Variants in GRID2 observed in about 807,000 individuals in gnomAD.
GRID2 encodes the protein glutamate ionotropic receptor delta type subunit 2.
In GRID2, 33 loss-of-function variants were observed where a neutral mutation model predicts 114.8. The observed-to-expected ratio is 0.29, with a 90% confidence interval of 0.22 to 0.38. GRID2 has a LOEUF of 0.38. GRID2 is among the 10% of genes least tolerant of loss of function. GRID2 has a pLI of 1.00. For synonymous variants in GRID2, 505 were observed against 449.9 expected (o/e 1.12, Z -1.55); for missense variants, 1,184 against 1,257.7 (o/e 0.94, Z 0.89).
At chr4:92,951,743 T>C (rs1752057306) in intron 2 of GRID2, among the ~76,000 whole-genome samples, 1 of 152,204 alleles carries the variant, frequency 6.6e-6, no homozygotes, top group African/African-American at 2.4e-5. Context: ...CCAATTCCTC[T>C]TCCAAAATTG....
At chr4:92,822,198 A>G in intron 2 of GRID2, 1 of 456,634 alleles carries the variant, frequency 2.2e-6, no homozygotes, top group Middle Eastern at 5.5e-4. Flanking sequence ...GTAGCAGTTG[A>G]GGCTAAAGCA....
intron 14 of GRID2, among the ~76,000 whole-genome samples, chr4:93,767,019 T>C (rs1049742349): frequency 2.0e-5 from 3 of 152,210 alleles, no homozygotes; most frequent in Non-Finnish European, 4.4e-5. Context: ...GATTACATCT[T>C]TGTGTGTTGC....
chr4:92,371,930 G>A (rs986564865), intron 1 of GRID2, among the ~76,000 whole-genome samples: 1 of 152,082 alleles, frequency 6.6e-6, no homozygotes, highest in Non-Finnish European at 1.5e-5. Context: ...CACATTAACA[G>A]GGCTTTGGAA....
At position 93,367,038 on chromosome 4, in the gene GRID2, G is replaced by A. The variant is rs537256390; in HGVS notation, c.1246-28569G>A. ...ATTTCTACTTTCCTTGGACTAATTC[G>A]TCCTGTTCTGGTTGTAAGTATGGGA... is the stretch of plus-strand genomic sequence containing the variant. On this transcript the variant is annotated intron_variant, in intron 8 of 15. Transcript: ENST00000282020. Among the ~76,000 whole-genome samples, 9 of 151,996 alleles carry A rather than the reference G, an allele frequency of 5.9e-5. No homozygotes were observed. The East Asian group carries it at 7.7e-4, about 13-fold the overall frequency.
At chr4:93,304,835 G>C (rs983850664) in intron 8 of GRID2, among the ~76,000 whole-genome samples, 1 of 152,070 alleles carries the variant, frequency 6.6e-6, no homozygotes, top group African/African-American at 2.4e-5. Context: ...AGGCCAAATC[G>C]TGTCCTTCTA....
At chr4:92,777,265 A>T (rs115847151) in intron 2 of GRID2, among the ~76,000 whole-genome samples, 2,526 of 152,054 alleles carry the variant, frequency 0.017, 63 homozygotes, top group African/African-American at 0.057. Context: ...GTAAACAGAA[A>T]TTTTTTAAAA....
intron 4 of GRID2, among the ~76,000 whole-genome samples, chr4:93,120,226 C>G (rs968976011): frequency 2.0e-5 from 3 of 152,028 alleles, no homozygotes; most frequent in Non-Finnish European, 4.4e-5. Flanking sequence ...ACCATTTGAC[C>G]CAGCAATCCC....
At chr4:93,655,039 T>A (rs974667093) in intron 14 of GRID2, among the ~76,000 whole-genome samples, 1 of 152,198 alleles carries the variant, frequency 6.6e-6, no homozygotes, top group Non-Finnish European at 1.5e-5. Context: ...ATTTGGCTGC[T>A]CTTTTCTCTA....
At chr4:92,639,987 A>C (rs1334949905) in intron 2 of GRID2, among the ~76,000 whole-genome samples, 1 of 151,792 alleles carries the variant, frequency 6.6e-6, no homozygotes, top group African/African-American at 2.4e-5. Flanking sequence ...TAACACAGAC[A>C]CTTCGGCTGA....
intron 1 of GRID2, among the ~76,000 whole-genome samples, chr4:92,530,508 G>GAA (rs70942906): frequency 0.26 from 27,478 of 106,820 alleles, 3,690 homozygotes; most frequent in Non-Finnish European, 0.35. Context: ...GACTAGTACA[G>GAA]AAAAAAAAAA....
At chr4:93,113,618 G>A (rs185008268) in intron 4 of GRID2, among the ~76,000 whole-genome samples, 1 of 152,290 alleles carries the variant, frequency 6.6e-6, no homozygotes, top group Admixed American at 6.5e-5. Flanking sequence ...CAAGTTTATA[G>A]CCTGGTGTTG....
chr4:93,781,737 C>T (rs890556611), intron 1 of GRID2, among the ~76,000 whole-genome samples: 4 of 152,090 alleles, frequency 2.6e-5, no homozygotes, highest in African/African-American at 9.7e-5. Flanking sequence ...AGTTGTTATA[C>T]TGTACAGTTT....
chr4:92,441,186 T>A (rs1310049483), intron 1 of GRID2, among the ~76,000 whole-genome samples: 1 of 152,074 alleles, frequency 6.6e-6, no homozygotes, highest in Non-Finnish European at 1.5e-5. Context: ...AGTTGTTGTT[T>A]TATAGAAGGT....
chr4:93,611,564 C>T (rs1173797034), intron 13 of GRID2, among the ~76,000 whole-genome samples: 1 of 142,266 alleles, frequency 7.0e-6, no homozygotes, highest in Non-Finnish European at 1.5e-5. Context: ...GCCTTCATTT[C>T]ATTATGTACC....
At chr4:93,220,159 T>G (rs1225807238) in intron 6 of GRID2, among the ~76,000 whole-genome samples, 2 of 152,138 alleles carry the variant, frequency 1.3e-5, no homozygotes, top group Non-Finnish European at 2.9e-5. Flanking sequence ...GAATATATTA[T>G]TAAATCAATG....
chr4:92,670,943 A>G (rs566021582), intron 2 of GRID2, among the ~76,000 whole-genome samples: 2 of 152,270 alleles, frequency 1.3e-5, no homozygotes, highest in South Asian at 4.2e-4. Context: ...ATATTATAAA[A>G]TACTCATTTG....
intron 2 of GRID2, among the ~76,000 whole-genome samples, chr4:92,730,500 G>T (rs979827314): frequency 6.6e-6 from 1 of 151,856 alleles, no homozygotes; most frequent in African/African-American, 2.4e-5. Flanking sequence ...GCTTCATTTT[G>T]TAGCCATTTT....
At position 93,085,189 on chromosome 4, in the gene GRID2, C is replaced by T. The variant is rs865978803; in HGVS notation, c.439C>T (p.Arg147Cys). 1 of 1,613,698 alleles carries T rather than the reference C, an allele frequency of 6.2e-7. No individual in the cohort carries two copies. The highest frequency in any genetic ancestry group is 8.5e-7 in the Non-Finnish European group (1 of 1,179,664). The change falls in exon 3 of 16, where the codon CGC becomes TGC. Residue 147 changes from arginine to cysteine, a missense_variant. This residue lies in a region of GRID2 where 455 missense variants were observed against 429.5 expected (regional missense o/e 1.06). Transcript: ENST00000282020. Reference protein sequence around the residue: ...NRNDDYTLSVRPPVYLHDVIL... With the variant: ...NRNDDYTLSVCPPVYLHDVIL... ...GAATGATGACTACACTCTCTCAGTT[C>T]GCCCACCTGTCTACTTGCATGATGT...
chr4:93,241,034 C>G (rs571699989), intron 8 of GRID2, among the ~76,000 whole-genome samples: 1 of 151,676 alleles, frequency 6.6e-6, no homozygotes, highest in Non-Finnish European at 1.5e-5. Flanking sequence ...TCTTTCTTCT[C>G]TCAACATTTA....
Sources: allele counts gnomAD v4.1 joint callset (sites outside exome capture counted in the v4.1 genomes callset), GRCh38; gene constraint gnomAD v4.1.1; regional missense constraint gnomAD v4.1.1; transcripts MANE v1.5; gene names NCBI Gene and HGNC (gene_info 2026-07-23, HGNC 2026-07-21).